The following PTPN1 variants were observed in gnomAD, a reference collection of about 807,000 sequenced individuals.
PTPN1 encodes the protein protein tyrosine phosphatase non-receptor type 1.
In PTPN1, 12 loss-of-function variants were observed where a neutral mutation model predicts 59.9. That is an observed-to-expected ratio of 0.20 (90% CI 0.13 to 0.32). PTPN1 has a LOEUF of 0.32. PTPN1 is among the 10% of genes least tolerant of loss of function. The pLI is 1.00. For missense variants in PTPN1, 356 were observed against 549.2 expected, an observed-to-expected ratio of 0.65 and a Z score of 3.52; for synonymous variants, 178 against 203.6, an observed-to-expected ratio of 0.87 and a Z score of 1.07.
At chr20:50,543,721 T>C (rs2082662509) in intron 1 of PTPN1, among the ~76,000 whole-genome samples, 1 of 152,222 alleles carries the variant, frequency 6.6e-6, no homozygotes, top group African/African-American at 2.4e-5. Flanking sequence ...TGGTTTAATG[T>C]TAAATGCTTT....
chr20:50,535,319 C>T (rs756443304), intron 1 of PTPN1, among the ~76,000 whole-genome samples: 2 of 152,144 alleles, frequency 1.3e-5, no homozygotes, highest in African/African-American at 4.8e-5. Flanking sequence ...ACACCTGCAG[C>T]GCATGCTCCA....
chr20:50,517,457 C>T (rs6067473), intron 1 of PTPN1, among the ~76,000 whole-genome samples: 58,355 of 151,842 alleles, frequency 0.38, 11,250 homozygotes, highest in African/African-American at 0.43. Context: ...TGGGATTTTG[C>T]TGTGTTGCCC....
chr20:50,563,993 C>T (rs1369083507), intron 2 of PTPN1, among the ~76,000 whole-genome samples: 1 of 151,844 alleles, frequency 6.6e-6, no homozygotes, highest in East Asian at 1.9e-4. Context: ...GGCTTAAATT[C>T]TCTTTCAAGT....
At chr20:50,581,030 G>A (rs2122807243) in intron 8 of PTPN1, among the ~76,000 whole-genome samples, 1 of 152,302 alleles carries the variant, frequency 6.6e-6, no homozygotes, top group East Asian at 1.9e-4. Context: ...TACCCTGGGT[G>A]TGGGTGCTAT....
chr20:50,550,458 A>G (rs562709704), intron 1 of PTPN1, among the ~76,000 whole-genome samples: 3 of 152,344 alleles, frequency 2.0e-5, no homozygotes, highest in African/African-American at 4.8e-5. Flanking sequence ...TTTAGTAACT[A>G]TTTTGACACT....
intron 1 of PTPN1, among the ~76,000 whole-genome samples, chr20:50,545,971 G>A (rs764830982): frequency 4.6e-5 from 7 of 152,046 alleles, no homozygotes; most frequent in Admixed American, 2.6e-4. Context: ...CCTAGAAGTC[G>A]AGGCTTCAGT....
chr20:50,525,209 G>A (rs982436933), intron 1 of PTPN1, among the ~76,000 whole-genome samples: 8 of 152,094 alleles, frequency 5.3e-5, no homozygotes, highest in African/African-American at 1.7e-4. Flanking sequence ...ACAGTCACCC[G>A]CCACTACAGC....
chr20:50,562,798 T>C (rs1402083163), intron 2 of PTPN1, among the ~76,000 whole-genome samples: 1 of 152,178 alleles, frequency 6.6e-6, no homozygotes, highest in Non-Finnish European at 1.5e-5. Context: ...TCCAGACCGC[T>C]GATCAACACG....
At chr20:50,512,474 T>C (rs1024308180) in intron 1 of PTPN1, among the ~76,000 whole-genome samples, 1 of 152,236 alleles carries the variant, frequency 6.6e-6, no homozygotes, top group African/African-American at 2.4e-5. Context: ...GCAACTAGCA[T>C]GGAGTGTGTC....
At chr20:50,538,902 A>G (rs922446201) in intron 1 of PTPN1, among the ~76,000 whole-genome samples, 3 of 152,144 alleles carry the variant, frequency 2.0e-5, no homozygotes, top group African/African-American at 7.2e-5. Flanking sequence ...TACTTTTCAC[A>G]AACTCGTCCT....
intron 1 of PTPN1, among the ~76,000 whole-genome samples, chr20:50,533,708 A>C (rs1330603635): frequency 6.6e-6 from 1 of 151,262 alleles, no homozygotes. Context: ...CCAGAAAGGA[A>C]GATTTGATGT....
In PTPN1 at chr20:50,584,569, A is replaced by T. The variant is rs1008590397; in HGVS notation, c.*1854A>T. On this transcript the variant is annotated 3_prime_UTR_variant, in exon 10 of 10. Transcript: ENST00000371621. ...TTACAAAAATAAAAACAAAAAAAGC[A>T]AGGTGTTTTGGTATAATACCTTTTC... 1 of 135,410 alleles carries T rather than the reference A, an allele frequency of 7.4e-6. No individual in the cohort carries two copies. Among genetic ancestry groups the T allele is most frequent in the African/African-American group, 2.7e-5 (1 of 36,422 alleles). 8.4% of individuals were successfully genotyped at this position (135,410 alleles called of 1,614,324 possible). A position where few individuals can be genotyped will look rare whatever the true frequency, so the allele number is the denominator to read the frequency against.
At chr20:50,520,363 C>T (rs1487533137) in intron 1 of PTPN1, among the ~76,000 whole-genome samples, 1 of 124,856 alleles carries the variant, frequency 8.0e-6, no homozygotes, top group Non-Finnish European at 1.7e-5. Context: ...AAGAGTGAAA[C>T]TCTGTCTCAA....
At chr20:50,514,093 G>C (rs979784860) in intron 1 of PTPN1, among the ~76,000 whole-genome samples, 7 of 152,228 alleles carry the variant, frequency 4.6e-5, no homozygotes, top group African/African-American at 1.4e-4. Flanking sequence ...AGCACAAGTA[G>C]AAATAGTGAA....
In PTPN1 at chr20:50,568,320, GCA is replaced by G. The variant is rs2082788953; in HGVS notation, c.256-56_256-55del. 6.9e-6 allele frequency: 10 copies of G among 1,447,630 alleles called. No individual in the cohort carries two copies. In the Admixed American group the frequency reaches 1.5e-4, roughly 22 times the overall value. The allele number at this position is 1,447,630 out of a possible 1,614,324, so 89.7% of individuals were successfully genotyped here. On this transcript the variant is annotated intron_variant, in intron 3 of 9. Coordinates refer to ENST00000371621, the MANE Select transcript of PTPN1 (RefSeq NM_002827.4). The surrounding 1 kb of genome is among the most constrained non-coding windows in gnomAD (Gnocchi z 5.6). ...GTCGTTAGCTGACTGCAGAAGGTGAGCACACGCTGTAGCATGTTATGTTTCAG... is the reference window on the plus strand; with the variant it reads ...GTCGTTAGCTGACTGCAGAAGGTGAGCACGCTGTAGCATGTTATGTTTCAG...
At chr20:50,560,580 C>G (rs1238781765) in intron 1 of PTPN1, among the ~76,000 whole-genome samples, 1 of 151,422 alleles carries the variant, frequency 6.6e-6, no homozygotes, top group Non-Finnish European at 1.5e-5. Context: ...CTGTTGTCTG[C>G]TCTCCTATTC....
Position 50,510,439 on chromosome 20 carries a change from G to T in PTPN1, c.-89G>T, listed in dbSNP as rs897960230. 7 of 1,406,534 alleles carry T rather than the reference G, an allele frequency of 5.0e-6. No homozygotes were observed. Among genetic ancestry groups the T allele is most frequent in the East Asian group, 5.5e-5 (2 of 36,370 alleles). The allele number at this position is 1,406,534 out of a possible 1,614,324, so 87.1% of individuals were successfully genotyped here. A position where few individuals can be genotyped will look rare whatever the true frequency, so the allele number is the denominator to read the frequency against. On this transcript the variant is annotated 5_prime_UTR_variant, in exon 1 of 10. Transcript: ENST00000371621. ...AGCTGCAGGGGTCGGGGATTGCAGC[G>T]GGCCTCGGGGCTAAGAGCGCGACGC...
chr20:50,574,428 C>G, intron 4 of PTPN1, 89 bp from the exon 5 acceptor site: 1 of 1,329,672 alleles, frequency 7.5e-7, no homozygotes, highest in South Asian at 1.5e-5. Context: ...TTTGAGTTAT[C>G]ATGAAGCTTG....
intron 7 of PTPN1, among the ~76,000 whole-genome samples, 178 bp from the exon 8 acceptor site, chr20:50,579,525 G>A (rs2082854653): frequency 6.6e-6 from 1 of 152,252 alleles, no homozygotes; most frequent in Non-Finnish European, 1.5e-5. Context: ...CACATAGAGA[G>A]CATTGATAGG....
Sources: allele counts gnomAD v4.1 joint callset (sites outside exome capture counted in the v4.1 genomes callset), GRCh38; gene constraint gnomAD v4.1.1; non-coding constraint Gnocchi (gnomAD v3.1); transcripts MANE v1.5; gene names NCBI Gene and HGNC (gene_info 2026-07-23, HGNC 2026-07-21).